ZNF462: variants seen among roughly 807,000 people sequenced by gnomAD.
The protein encoded by ZNF462 is zinc finger protein 462, also known as zinc finger PBX1-interacting protein.
ZNF462 carries 10 observed loss-of-function variants against 201.9 expected under a neutral mutation model. The observed-to-expected ratio is 0.05, with a 90% CI of 0.03 to 0.08. The LOEUF is 0.08. Among genes scored for constraint, ZNF462 ranks in the 10% least tolerant of loss-of-function variants. The pLI is 1.00. For missense variants in ZNF462, 2,523 were observed against 3,168.3 expected, an observed-to-expected ratio of 0.80 and a Z score of 4.89; for synonymous variants, 1,227 against 1,193.3, an observed-to-expected ratio of 1.03 and a Z score of -0.58.
intron 6 of ZNF462, among the ~76,000 whole-genome samples, chr9:106,937,019 G>T (rs1451143613): frequency 6.6e-6 from 1 of 152,182 alleles, no homozygotes; most frequent in African/African-American, 2.4e-5. Context: ...ACTGAGTGGG[G>T]CTTGGCTTGG....
At chr9:106,934,569 T>C (rs1830553322) in intron 5 of ZNF462, among the ~76,000 whole-genome samples, 1 of 152,164 alleles carries the variant, frequency 6.6e-6, no homozygotes, top group South Asian at 2.1e-4. Context: ...TGGGTTTGTT[T>C]AGAACAGGTT....
At chr9:106,945,835 C>G (rs1831080008) in intron 7 of ZNF462, among the ~76,000 whole-genome samples, 1 of 152,166 alleles carries the variant, frequency 6.6e-6, no homozygotes, top group Non-Finnish European at 1.5e-5. Flanking sequence ...CTGTTATTAC[C>G]TGGAAATCTA....
At chr9:106,894,703 T>G (rs925548535) in intron 1 of ZNF462, among the ~76,000 whole-genome samples, 1 of 152,162 alleles carries the variant, frequency 6.6e-6, no homozygotes, top group Non-Finnish European at 1.5e-5. Context: ...GTTGAGCACT[T>G]GAAACAGTGA....
Position 106,929,192 on chromosome 9 carries a change from C to G in ZNF462, c.5280C>G (p.Leu1760=). Reference sequence around the variant, plus strand: ...ACTCCCCTCAGCTGAGCGAGGAACTCCGGCGGGCAGTGGAGAAGAAAAAGT... The same window carrying G: ...ACTCCCCTCAGCTGAGCGAGGAACTGCGGCGGGCAGTGGAGAAGAAAAAGT... ...KDDSPQLSEE[L]RRAVEKKKCS... is the part of the protein sequence containing the mutation. Residue 1760 remains leucine (L), a synonymous_variant, in exon 3 of 13, where the codon CTC becomes CTG. Coordinates refer to ENST00000277225, the MANE Select transcript of ZNF462 (RefSeq NM_021224.6). This position sits in a 1 kb window ranked among gnomAD's most constrained non-coding sequence, Gnocchi z 8.7. 2 of 1,614,166 alleles carry G rather than the reference C, an allele frequency of 1.2e-6. No homozygotes were observed. Among genetic ancestry groups the G allele is most frequent in the Non-Finnish European group, 1.7e-6 (2 of 1,180,032 alleles).
chr9:107,010,865 C>T lies in ZNF462; in HGVS notation c.7356C>T (p.His2452=). 6.2e-7 allele frequency: 1 copy of T among 1,613,250 alleles called. No homozygotes were observed. Among genetic ancestry groups the T allele is most frequent in the Non-Finnish European group, 8.5e-7 (1 of 1,179,646 alleles). ...AGCAGGTGAGCAGAGAAGAAATCCA[C>T]CCAAAAGAGATCATGGAGAACAGTG... is the stretch of plus-strand genomic sequence containing the variant. ...DTKQVSREEI[H]PKEIMENSVK... Residue 2452 remains histidine, a synonymous_variant, in exon 13 of 13, where the codon CAC becomes CAT. Coordinates refer to ENST00000277225, the MANE Select transcript of ZNF462 (RefSeq NM_021224.6). The surrounding 1 kb of genome is among the most constrained non-coding windows in gnomAD (Gnocchi z 4.6).
Position 106,919,124 on chromosome 9 carries a change from G to A in ZNF462, c.-30-4230G>A, listed in dbSNP as rs1829890015. On this transcript the variant is annotated intron_variant, in intron 1 of 12. Transcript: ENST00000277225. The surrounding 1 kb of genome is among the most constrained non-coding windows in gnomAD (Gnocchi z 4.5). ...CAGAGAACAGGTTAGATCCAGGCAA[G>A]GCCTATGCCTTTTAATTTGATCACT... Among the ~76,000 whole-genome samples the A allele has an allele frequency of 6.6e-6, 1 of 152,246 alleles. No homozygotes were observed. Among genetic ancestry groups the A allele is most frequent in the Admixed American group, 6.5e-5 (1 of 15,286 alleles).
chr9:106,978,396 T>C lies in ZNF462; in HGVS notation c.6832+4123T>C, dbSNP rs1273586641. Among the ~76,000 whole-genome samples the C allele has an allele frequency of 6.6e-6, 1 of 151,654 alleles. No individual in the cohort carries two copies. Among genetic ancestry groups the C allele is most frequent in the African/African-American group, 2.4e-5 (1 of 40,908 alleles). On this transcript the variant is annotated intron_variant, in intron 9 of 12. Transcript: ENST00000277225. This position sits in a 1 kb window ranked among gnomAD's most constrained non-coding sequence, Gnocchi z 4.1. ...AGTATGAAGCGCCTGGATACTAATA[T>C]AGAAGTTGGAACTTTAGTCAGTAGA...
Position 106,981,749 on chromosome 9 carries a change from T to A in ZNF462, c.6833-2437T>A, listed in dbSNP as rs973639590. Among the ~76,000 whole-genome samples, 1 of 152,128 alleles carries A rather than the reference T, an allele frequency of 6.6e-6. No homozygotes were observed. The highest frequency in any genetic ancestry group is 1.5e-5 in the Non-Finnish European group (1 of 68,018). On this transcript the variant is annotated intron_variant, in intron 9 of 12. Transcript: ENST00000277225. The surrounding 1 kb of genome is among the most constrained non-coding windows in gnomAD (Gnocchi z 4.0). ...GTGGTAGAGGAATTGAAAAGGAGGC[T>A]CATAAAAAAGTTTGAAAGAACTGAT...
At chr9:106,899,809 T>C (rs1324331272) in intron 1 of ZNF462, among the ~76,000 whole-genome samples, 1 of 152,112 alleles carries the variant, frequency 6.6e-6, no homozygotes, top group Non-Finnish European at 1.5e-5. Context: ...GAGGAGATAG[T>C]GTGGCTTTTC....
chr9:106,988,857 A>G (rs1036820564), intron 10 of ZNF462, among the ~76,000 whole-genome samples: 1 of 152,010 alleles, frequency 6.6e-6, no homozygotes, highest in Non-Finnish European at 1.5e-5. Flanking sequence ...TGATGTATGG[A>G]AGAGCTACTG....
intron 10 of ZNF462, among the ~76,000 whole-genome samples, chr9:106,998,318 A>G (rs1436174995): frequency 1.3e-5 from 2 of 152,178 alleles, no homozygotes; most frequent in Non-Finnish European, 2.9e-5. Context: ...TTCCAGTTCC[A>G]TTCTATCATT....
rs1411459083 is a variant in ZNF462 at position 106,865,172 on chromosome 9, G to A, written c.-31+1817G>A. ...AAAGAGTGCTTTCACAAGTTATTGA[G>A]GCGTTTGTTTCCATTTTAAAGTAAA... On this transcript the variant is annotated intron_variant, in intron 1 of 12. Transcript: ENST00000277225. The surrounding 1 kb of genome is among the most constrained non-coding windows in gnomAD (Gnocchi z 4.1). Among the ~76,000 whole-genome samples, 1 of 152,104 alleles carries A rather than the reference G, an allele frequency of 6.6e-6. No homozygotes were observed. Among genetic ancestry groups the A allele is most frequent in the Non-Finnish European group, 1.5e-5 (1 of 68,028 alleles).
chr9:106,983,884 T>C (rs1827629354), intron 9 of ZNF462, among the ~76,000 whole-genome samples: 1 of 152,176 alleles, frequency 6.6e-6, no homozygotes, highest in Non-Finnish European at 1.5e-5. Context: ...TTCCTCCCCC[T>C]TGCCTTAATC....
In ZNF462 at chr9:107,009,799, G is replaced by A; in HGVS notation, c.7313+131G>A. 1 of 1,340,484 alleles carries A rather than the reference G, an allele frequency of 7.5e-7. No homozygotes were observed. Among genetic ancestry groups the A allele is most frequent in the Non-Finnish European group, 1.0e-6 (1 of 997,388 alleles). 83.0% of individuals were successfully genotyped at this position (1,340,484 alleles called of 1,614,324 possible). ...CACATTTCTGGGCCGTGGGAGGAGA[G>A]GCAATGGTGAGGAACCAAGTTTCTC... On this transcript the variant is annotated intron_variant, in intron 12 of 12. Transcript: ENST00000277225. The surrounding 1 kb of genome is among the most constrained non-coding windows in gnomAD (Gnocchi z 6.1).
Position 107,012,647 on chromosome 9 carries a change from A to T in ZNF462, c.*1617A>T, listed in dbSNP as rs1829984831. ...GAAGCCCGTGTGTGTGTGTGCTTGG[A>T]TGTGTGTGTGCGTGTATGAGTGTGT... On this transcript the variant is annotated 3_prime_UTR_variant, in exon 13 of 13. Transcript: ENST00000277225. 2 of 144,418 alleles carry T rather than the reference A, an allele frequency of 1.4e-5. No individual in the cohort carries two copies. The highest frequency in any genetic ancestry group is 5.1e-5 in the African/African-American group (2 of 39,542). 8.9% of individuals were successfully genotyped at this position (144,418 alleles called of 1,614,324 possible).
intron 1 of ZNF462, among the ~76,000 whole-genome samples, chr9:106,864,657 C>T (rs1205519259): frequency 6.6e-6 from 1 of 151,976 alleles, no homozygotes; most frequent in Non-Finnish European, 1.5e-5. Flanking sequence ...GGGAGGCTGC[C>T]TGGAGTTCCT....
At chr9:106,878,759 G>A (rs937280257) in intron 1 of ZNF462, among the ~76,000 whole-genome samples, 1 of 152,170 alleles carries the variant, frequency 6.6e-6, no homozygotes, top group African/African-American at 2.4e-5. Context: ...CTACGTCTTT[G>A]TGTGTATATA....
chr9:106,947,040 G>C (rs373926783), intron 7 of ZNF462, among the ~76,000 whole-genome samples: 1 of 152,144 alleles, frequency 6.6e-6, no homozygotes, highest in Non-Finnish European at 1.5e-5. Context: ...TGGTGAAATA[G>C]CAAATGGCCA....
chr9:106,972,626 T>C lies in ZNF462; in HGVS notation c.6695+354T>C, dbSNP rs1178567697. ...TAGCTTTGGAAAAAAAAGTATGTTCTTGGAAGCAAAGTCAAAGTCAAGAGA... is the reference window on the plus strand; with the variant it reads ...TAGCTTTGGAAAAAAAAGTATGTTCCTGGAAGCAAAGTCAAAGTCAAGAGA... On this transcript the variant is annotated intron_variant, in intron 8 of 12. Coordinates refer to ENST00000277225, the MANE Select transcript of ZNF462 (RefSeq NM_021224.6). The surrounding 1 kb of genome is among the most constrained non-coding windows in gnomAD (Gnocchi z 4.8). Among the ~76,000 whole-genome samples, 4 of 152,196 alleles carry C rather than the reference T, an allele frequency of 2.6e-5. No individual in the cohort carries two copies. The East Asian group carries it at 7.7e-4, about 29-fold the overall frequency.
Sources: gnomAD v4.1 joint callset for allele counts (sites outside exome capture counted in the v4.1 genomes callset) on GRCh38, gnomAD v4.1.1 for gene constraint, Gnocchi (gnomAD v3.1) non-coding constraint, MANE v1.5 for transcripts, NCBI Gene and HGNC (gene_info 2026-07-23, HGNC 2026-07-21) for gene names.